The following EP400 variants were observed in gnomAD, a reference collection of about 807,000 sequenced individuals.
EP400 encodes E1A binding protein p400, also known as E1A-binding protein p400.
In EP400, 105 loss-of-function variants were observed where a neutral mutation model predicts 354.1. The observed-to-expected ratio is 0.30, with a 90% CI of 0.25 to 0.35. The LOEUF (loss-of-function observed/expected upper bound fraction) is 0.35, where lower values mean the gene tolerates loss of function less well. EP400 is among the 10% of genes least tolerant of loss of function. The probability of loss-of-function intolerance (pLI) is 1.00; values close to 1 mark genes in which losing one functional copy is unlikely to be tolerated. For missense variants in EP400, 3,280 were observed against 4,121.0 expected (o/e 0.80, Z 5.59); for synonymous variants, 1,646 against 1,716.9 (o/e 0.96, Z 1.02).
In EP400 at chr12:132,077,997, C is replaced by A; in HGVS notation, c.*324C>A. The A allele has an allele frequency of 3.2e-6, 1 of 308,604 alleles. No individual in the cohort carries two copies. Among genetic ancestry groups the A allele is most frequent in the South Asian group, 5.2e-5 (1 of 19,150 alleles). The allele number at this position is 308,604 out of a possible 1,614,324, so 19.1% of individuals were successfully genotyped here. A position where few individuals can be genotyped will look rare whatever the true frequency, so the allele number is the denominator to read the frequency against. On this transcript the variant is annotated 3_prime_UTR_variant, in exon 53 of 53. Transcript: ENST00000389561. ...GTGTTCTGAAAGCCATTTAGAATTT[C>A]TTTGTGAGCATGTAGTGCTTTGCAC...
At chr12:132,032,837 G>A (rs537251511) in intron 30 of EP400, among the ~76,000 whole-genome samples, 2 of 152,098 alleles carry the variant, frequency 1.3e-5, no homozygotes, top group Non-Finnish European at 2.9e-5. Flanking sequence ...TACCACATTG[G>A]CCAGGCCGGT....
In EP400 at chr12:132,053,374, C is replaced by A. The variant is rs779290799; in HGVS notation, c.7505C>A (p.Pro2502Gln). ...GCTGATCAGCAGAAGGCACAGCAGCCGGCCGTGGCCCAGCCACCCCCGCCC... is the reference window on the plus strand; with the variant it reads ...GCTGATCAGCAGAAGGCACAGCAGCAGGCCGTGGCCCAGCCACCCCCGCCC... ...ALADQQKAQQ[P>Q]AVAQPPPPQP... is the part of the protein sequence containing the mutation. The change falls in exon 43 of 53, where the codon CCG (proline) becomes CAG (glutamine). Residue 2502 changes from proline to glutamine, a missense_variant. Pro to Gln is a moderately conservative substitution (Grantham distance 76). Transcript: ENST00000389561. The A allele has an allele frequency of 2.5e-6, 4 of 1,569,870 alleles. No homozygotes were observed. The highest frequency in any genetic ancestry group is 3.4e-6 in the Non-Finnish European group (4 of 1,166,788).
chr12:131,954,753 C>T (rs997934896), intron 1 of EP400, among the ~76,000 whole-genome samples: 2 of 119,640 alleles, frequency 1.7e-5, no homozygotes, highest in African/African-American at 5.8e-5. Context: ...AAAAAATGGG[C>T]GTGGTGGTGT....
At position 131,961,047 on chromosome 12, in the gene EP400, C is replaced by T. The variant is rs546918978; in HGVS notation, c.428C>T (p.Pro143Leu). Residue 143 changes from proline to leucine, a missense_variant, in exon 2 of 53, where the codon CCG becomes CTG. Physicochemically the swap from Pro to Leu is moderately conservative, Grantham distance 98 (BLOSUM62 -3). Around this residue, in one of 20 missense-constraint regions of EP400, gnomAD observed 172 missense variants for 242.9 expected, o/e 0.71. Transcript: ENST00000389561. ...TQSPTQPSPG[P>L]GQALQNVRAG... ...AGTCCCACGCAGCCCAGTCCGGGGC[C>T]GGGGCAGGCCTTGCAGAATGTGCGT... The T allele has an allele frequency of 4.3e-5, 68 of 1,580,616 alleles. No homozygotes were observed. Among genetic ancestry groups the T allele is most frequent in the African/African-American group, 2.2e-4 (16 of 74,296 alleles).
intron 34 of EP400, 39 bp downstream of exon 34, chr12:132,043,767 A>T (rs767431356): frequency 6.5e-7 from 1 of 1,547,918 alleles, no homozygotes; most frequent in South Asian, 1.2e-5. Context: ...AAAAATTTGC[A>T]ATATTTTCAG....
intron 32 of EP400, among the ~76,000 whole-genome samples, chr12:132,043,080 A>AT (rs1456543183): frequency 1.3e-5 from 2 of 152,248 alleles, no homozygotes; most frequent in Admixed American, 6.5e-5. Context: ...ACTCGATAGT[A>AT]AGGTTAGCAA....
intron 45 of EP400, among the ~76,000 whole-genome samples, chr12:132,055,754 A>ATG (rs373252803): frequency 0.018 from 2,433 of 136,524 alleles, 35 homozygotes; most frequent in African/African-American, 0.04. Flanking sequence ...GTAGGAGGGT[A>ATG]TGTGTGTGTG....
chr12:132,074,088 CTAAT>C (rs539818031), intron 51 of EP400, among the ~76,000 whole-genome samples: 1 of 151,938 alleles, frequency 6.6e-6, no homozygotes, highest in African/African-American at 2.4e-5. Context: ...CCATGCCCAG[CTAAT>C]TTTTATATTT....
At chr12:132,063,970 C>G (rs944908517) in intron 47 of EP400, among the ~76,000 whole-genome samples, 3 of 151,234 alleles carry the variant, frequency 2.0e-5, no homozygotes, top group East Asian at 1.9e-4. Context: ...TTTGACCCCC[C>G]CGGCCCACAG....
chr12:132,051,969 A>G (rs1895307407), intron 41 of EP400, among the ~76,000 whole-genome samples: 1 of 152,234 alleles, frequency 6.6e-6, no homozygotes, highest in Non-Finnish European at 1.5e-5. Context: ...CTGTCCGGGC[A>G]TAACAGAAGG....
At chr12:132,022,556 G>T (rs1894153862) in intron 23 of EP400, among the ~76,000 whole-genome samples, 1 of 151,982 alleles carries the variant, frequency 6.6e-6, no homozygotes, top group Non-Finnish European at 1.5e-5. Flanking sequence ...TAAACCTGTT[G>T]TTCAGTTGTA....
At chr12:132,065,163 G>A (rs749393022) in intron 48 of EP400, 31 of 575,024 alleles carry the variant, frequency 5.4e-5, no homozygotes, top group East Asian at 1.2e-4. Flanking sequence ...TGCAGCCTGC[G>A]TGGCTTCCCT....
At position 131,961,425 on chromosome 12, in the gene EP400, G is replaced by A; in HGVS notation, c.806G>A (p.Ser269Asn). 4.1e-6 allele frequency: 6 copies of A among 1,466,026 alleles called. No homozygotes were observed. Among genetic ancestry groups the A allele is most frequent in the Non-Finnish European group, 5.6e-6 (6 of 1,073,418 alleles). The allele number at this position is 1,466,026 out of a possible 1,614,324, so 90.8% of individuals were successfully genotyped here. ...ACGGCTAACTTGCCACCGCAGATCA[G>A]CAGCATCATCCAGGGCCAGCTGGTT... The part of the protein sequence containing the change: ...ITTANLPPQI[S>N]SIIQGQLVQQ... The change falls in exon 2 of 53, where the codon AGC becomes AAC. Residue 269 changes from serine (S) to asparagine (N), a missense_variant. This residue lies in a region of EP400 where 85 missense variants were observed against 180.3 expected (regional missense o/e 0.47). Coordinates refer to ENST00000389561, the MANE Select transcript of EP400 (RefSeq NM_015409.5).
chr12:132,015,099 C>T (rs942193771), intron 19 of EP400, among the ~76,000 whole-genome samples: 4 of 152,238 alleles, frequency 2.6e-5, no homozygotes, highest in African/African-American at 9.6e-5. Context: ...TGGGCACCCT[C>T]GAGAGGCAGG....
rs930026464 is a variant in EP400, at chr12:132,070,233, G to C, written c.9021+592G>C. On this transcript the variant is annotated intron_variant, in intron 51 of 52. Coordinates refer to ENST00000389561, the MANE Select transcript of EP400 (RefSeq NM_015409.5). The surrounding 1 kb of genome is among the most constrained non-coding windows in gnomAD (Gnocchi z 4.1). Reference sequence around the variant, plus strand: ...AGATAGAAACAGGAATTCAGTTAGAGCAGGGGAGTTTTACCTTCTCAGCTA... The same window carrying C: ...AGATAGAAACAGGAATTCAGTTAGACCAGGGGAGTTTTACCTTCTCAGCTA... 6.6e-6 allele frequency among the ~76,000 whole-genome samples: 1 copy of C among 152,206 alleles called. No homozygotes were observed. Among genetic ancestry groups the C allele is most frequent in the Admixed American group, 6.5e-5 (1 of 15,282 alleles).
At chr12:132,034,711 C>G (rs559273378) in intron 30 of EP400, among the ~76,000 whole-genome samples, 1 of 152,214 alleles carries the variant, frequency 6.6e-6, no homozygotes, top group African/African-American at 2.4e-5. Context: ...ATGAATGTGC[C>G]GCACACCTTG....
At chr12:132,021,021 A>G in intron 22 of EP400, 58 bp from the exon 23 acceptor site, 1 of 1,491,336 alleles carries the variant, frequency 6.7e-7, no homozygotes, top group South Asian at 1.3e-5. Flanking sequence ...AGTTTAAAAT[A>G]TTGTATTTTA....
At chr12:132,026,444 C>T (rs1245113915) in intron 25 of EP400, among the ~76,000 whole-genome samples, 3 of 152,182 alleles carry the variant, frequency 2.0e-5, no homozygotes, top group African/African-American at 7.2e-5. Context: ...TCACTGCCAA[C>T]CTGTTAGGCT....
rs916341690 is a variant in EP400 at position 131,961,953 on chromosome 12, A to G, written c.1334A>G (p.Glu445Gly). 2.5e-6 allele frequency: 4 copies of G among 1,609,512 alleles called. No individual in the cohort carries two copies. Among genetic ancestry groups the G allele is most frequent in the African/African-American group, 2.7e-5 (2 of 74,942 alleles). Residue 445 changes from glutamate (E) to glycine (G), a missense_variant and splice_region_variant, in exon 2 of 53, where the codon GAG becomes GGG. Physicochemically the swap from Glu to Gly is moderately conservative, Grantham distance 98. Coordinates refer to ENST00000389561, the MANE Select transcript of EP400 (RefSeq NM_015409.5). ...EEEKSEVIND[E>G]QQALAGSLVA... ...GAAAAATCTGAGGTTATCAATGACGAGGTAAGAAACAGGAGTTAATTTGTT... is the reference window on the plus strand; with the variant it reads ...GAAAAATCTGAGGTTATCAATGACGGGGTAAGAAACAGGAGTTAATTTGTT...
Sources: gnomAD v4.1 joint callset for allele counts (sites outside exome capture counted in the v4.1 genomes callset) on GRCh38, gnomAD v4.1.1 for gene constraint, gnomAD v4.1.1 regional missense constraint, Gnocchi (gnomAD v3.1) non-coding constraint, MANE v1.5 for transcripts, NCBI Gene and HGNC (gene_info 2026-07-23, HGNC 2026-07-21) for gene names.